Variants in PLBD1 observed in about 807,000 individuals in gnomAD.
The protein encoded by PLBD1 is lysosomal leucine aminopeptidase.
In PLBD1, 60 loss-of-function variants were observed where a neutral mutation model predicts 63.0. The ratio of observed to expected loss-of-function variants is 0.95; its 90% CI spans 0.77 to 1.18. The LOEUF is 1.18. PLBD1 is among the 50% of genes most tolerant of loss of function. The pLI is 0.00. For synonymous variants in PLBD1, 262 were observed against 248.0 expected (o/e 1.06, Z -0.53); for missense variants, 598 against 677.9 (o/e 0.88, Z 1.31).
chr12:14,525,902 A>C (rs1945412695), intron 6 of PLBD1, among the ~76,000 whole-genome samples: 2 of 152,166 alleles, frequency 1.3e-5, no homozygotes, highest in Non-Finnish European at 2.9e-5. Flanking sequence ...TAGCAGACAT[A>C]ATTGCTTATT....
chr12:14,534,790 C>T (rs1451255923), intron 6 of PLBD1, among the ~76,000 whole-genome samples: 1 of 152,212 alleles, frequency 6.6e-6, no homozygotes, highest in Non-Finnish European at 1.5e-5. Context: ...GATCCGCCCA[C>T]CTTGGCCTCC....
chr12:14,516,053 G>A (rs946239650), intron 6 of PLBD1, among the ~76,000 whole-genome samples: 4 of 150,626 alleles, frequency 2.7e-5, no homozygotes, highest in Admixed American at 1.3e-4. Context: ...AAACAAGGCC[G>A]GGCACGGTGG....
intron 1 of PLBD1, among the ~76,000 whole-genome samples, chr12:14,556,561 G>A (rs1945706195): frequency 6.6e-6 from 1 of 151,686 alleles, no homozygotes. Context: ...TAGAGACATT[G>A]TTTCTCCAGG....
At chr12:14,506,124 C>T in intron 10 of PLBD1, 38 bp downstream of exon 10, 1 of 1,443,920 alleles carries the variant, frequency 6.9e-7, no homozygotes, top group Non-Finnish European at 9.6e-7. Flanking sequence ...GGCCTGTGTG[C>T]TGGTGGGAAT....
chr12:14,517,384 G>A (rs1012583265), intron 6 of PLBD1, among the ~76,000 whole-genome samples: 3 of 152,062 alleles, frequency 2.0e-5, no homozygotes, highest in Non-Finnish European at 2.9e-5. Flanking sequence ...CTGGGCTCAA[G>A]CGCTCCTCCT....
intron 6 of PLBD1, among the ~76,000 whole-genome samples, chr12:14,529,237 T>G (rs1431741598): frequency 6.6e-6 from 1 of 151,910 alleles, no homozygotes; most frequent in East Asian, 1.9e-4. Flanking sequence ...AAAATAACAC[T>G]AATCATATAC....
At position 14,567,770 on chromosome 12, in the gene PLBD1, A is replaced by T; in HGVS notation, c.-74T>A. 2 of 1,379,702 alleles carry T rather than the reference A, an allele frequency of 1.4e-6. No individual in the cohort carries two copies. Among genetic ancestry groups the T allele is most frequent in the Non-Finnish European group, 1.9e-6 (2 of 1,078,082 alleles). 85.5% of individuals were successfully genotyped at this position (1,379,702 alleles called of 1,614,324 possible). ...CCCGCGGTGGCAGAAGTTGCAAGAG[A>T]GGCTCCTGGCCTACTCAGGGGCGCC... On this transcript the variant is annotated 5_prime_UTR_variant, in exon 1 of 11. Transcript: ENST00000240617.
At chr12:14,541,777 A>G (rs1275679683) in intron 3 of PLBD1, among the ~76,000 whole-genome samples, 1 of 152,238 alleles carries the variant, frequency 6.6e-6, no homozygotes, top group Non-Finnish European at 1.5e-5. Flanking sequence ...AAATATTCTC[A>G]GAGGGTGTTA....
chr12:14,542,711 A>G (rs1336737702), intron 2 of PLBD1, among the ~76,000 whole-genome samples: 1 of 152,210 alleles, frequency 6.6e-6, no homozygotes, highest in Admixed American at 6.5e-5. Flanking sequence ...TTAACCATAA[A>G]TAATGTATAG....
intron 1 of PLBD1, among the ~76,000 whole-genome samples, chr12:14,563,182 T>C (rs1023367188): frequency 1.3e-5 from 2 of 152,168 alleles, no homozygotes; most frequent in African/African-American, 4.8e-5. Context: ...ATTTATCTTG[T>C]GTACATTATG....
chr12:14,539,721 G>C (rs897327856), intron 4 of PLBD1, among the ~76,000 whole-genome samples: 4 of 151,328 alleles, frequency 2.6e-5, no homozygotes, highest in African/African-American at 9.7e-5. Context: ...AGGAGGCAGA[G>C]GTTGCAGTGA....
At chr12:14,506,412 A>G (rs886397004) in intron 9 of PLBD1, 144 bp from the exon 10 acceptor site, 17 of 613,012 alleles carry the variant, frequency 2.8e-5, no homozygotes, top group Non-Finnish European at 4.7e-5. Context: ...GCTTCCAGAT[A>G]GAGACATCTC....
chr12:14,519,484 T>C (rs1316506584), intron 6 of PLBD1, among the ~76,000 whole-genome samples: 2 of 151,962 alleles, frequency 1.3e-5, no homozygotes, highest in African/African-American at 2.4e-5. Flanking sequence ...CCGGGTGTGG[T>C]GGCATGCACC....
chr12:14,552,746 A>G (rs75184956), intron 2 of PLBD1, among the ~76,000 whole-genome samples: 3,919 of 152,322 alleles, frequency 0.026, 156 homozygotes, highest in African/African-American at 0.089. Context: ...GCAAAAATAT[A>G]TAAAATAAAA....
In PLBD1 at chr12:14,567,763, G is replaced by A; in HGVS notation, c.-67C>T. 1 of 1,381,052 alleles carries A rather than the reference G, an allele frequency of 7.2e-7. No homozygotes were observed. The highest frequency in any genetic ancestry group is 9.3e-7 in the Non-Finnish European group (1 of 1,078,988). The allele number at this position is 1,381,052 out of a possible 1,614,324, so 85.5% of individuals were successfully genotyped here. A position where few individuals can be genotyped will look rare whatever the true frequency, so the allele number is the denominator to read the frequency against. Reference sequence around the variant, plus strand: ...GCGGTGGCCCGCGGTGGCAGAAGTTGCAAGAGAGGCTCCTGGCCTACTCAG... The same window carrying A: ...GCGGTGGCCCGCGGTGGCAGAAGTTACAAGAGAGGCTCCTGGCCTACTCAG... On this transcript the variant is annotated 5_prime_UTR_variant, in exon 1 of 11. Transcript: ENST00000240617.
Position 14,542,204 on chromosome 12 carries a change from G to A in PLBD1, c.419+4C>T, listed in dbSNP as rs375816647. 3.8e-5 allele frequency: 60 copies of A among 1,587,572 alleles called. No homozygotes were observed. Among genetic ancestry groups the A allele is most frequent in the Middle Eastern group, 1.7e-4 (1 of 6,010 alleles). ...AATGAAAAGAGAAAAGCTATTATAC[G>A]TACTCCATAAAATCCTGCACTTTAT... On this transcript the variant is annotated splice_donor_region_variant and intron_variant, in intron 3 of 10. Coordinates refer to ENST00000240617, the MANE Select transcript of PLBD1 (RefSeq NM_024829.6).
intron 4 of PLBD1, among the ~76,000 whole-genome samples, chr12:14,540,235 A>G (rs1429751952): frequency 6.7e-6 from 1 of 150,206 alleles, no homozygotes; most frequent in Non-Finnish European, 1.5e-5. Flanking sequence ...TATATAATAT[A>G]CATTTTTCAT....
rs528748484 is a variant in PLBD1, at chr12:14,542,303, C to T, written c.336-12G>A. The T allele has an allele frequency of 5.9e-5, 93 of 1,567,470 alleles. No individual in the cohort carries two copies. In the South Asian group the frequency reaches 9.3e-4, roughly 16 times the overall value. On this transcript the variant is annotated splice_polypyrimidine_tract_variant and intron_variant, in intron 2 of 10. Coordinates refer to ENST00000240617, the MANE Select transcript of PLBD1 (RefSeq NM_024829.6). ...GGTCATTCATGTGTCTGAAATGATA[C>T]ATGAAAATTATTACATTTATATTTT...
At chr12:14,561,584 C>A (rs921231090) in intron 1 of PLBD1, among the ~76,000 whole-genome samples, 10 of 152,144 alleles carry the variant, frequency 6.6e-5, no homozygotes. Context: ...GACAGAGTTT[C>A]GCTCTTGTTG....
Sources: gnomAD v4.1 joint callset for allele counts (sites outside exome capture counted in the v4.1 genomes callset) on GRCh38, gnomAD v4.1.1 for gene constraint, MANE v1.5 for transcripts, NCBI Gene and HGNC (gene_info 2026-07-23, HGNC 2026-07-21) for gene names.